HPSE: variants seen among roughly 807,000 people sequenced by gnomAD.
The protein encoded by HPSE is endo-glucoronidase.
A neutral mutation model predicts 65.1 loss-of-function variants in HPSE; 48 were observed. The ratio of observed to expected loss-of-function variants is 0.74; its 90% CI spans 0.58 to 0.94. The LOEUF is 0.94. Ranked by LOEUF, HPSE falls within the 40% of genes least tolerant of loss-of-function variation. The pLI is 0.00. For synonymous variants in HPSE, 243 were observed against 260.0 expected, an observed-to-expected ratio of 0.93 and a Z score of 0.63; for missense variants, 644 against 637.5, an observed-to-expected ratio of 1.01 and a Z score of -0.11.
At chr4:83,307,689 G>C (rs1736194454) in intron 8 of HPSE, among the ~76,000 whole-genome samples, 1 of 152,008 alleles carries the variant, frequency 6.6e-6, no homozygotes. Context: ...CCTTCTCCCC[G>C]ACACCCCAGA....
intron 1 of HPSE, among the ~76,000 whole-genome samples, chr4:83,332,962 C>T (rs1737449979): frequency 6.6e-6 from 1 of 151,932 alleles, no homozygotes; most frequent in Admixed American, 6.6e-5. Flanking sequence ...GACTGGGGTC[C>T]TGTGATCTGG....
At chr4:83,331,272 T>C (rs548015837) in intron 1 of HPSE, among the ~76,000 whole-genome samples, 93 of 152,256 alleles carry the variant, frequency 6.1e-4, no homozygotes, top group African/African-American at 2.2e-3. Context: ...GATTATAGAA[T>C]AGACTTGGTT....
rs1176168192 is a variant in HPSE at position 83,295,369 on chromosome 4, T to C, written c.1607A>G (p.Asn536Ser). 6.2e-7 allele frequency: 1 copy of C among 1,609,316 alleles called. No individual in the cohort carries two copies. The highest frequency in any genetic ancestry group is 1.7e-5 in the Admixed American group (1 of 59,198). The part of the protein sequence containing the change: ...AFSYSFFVIR[N>S]AKVAACI ...TCAGATGCAAGCAGCAACTTTGGCA[T>C]TTCTTATCACAAAAAAACTATATGA... Residue 536 changes from asparagine (N) to serine (S), a missense_variant, in exon 12 of 12, where the codon AAT becomes AGT. By Grantham distance (46) the Asn-to-Ser change is conservative. Transcript: ENST00000311412.
At chr4:83,310,248 T>C (rs903237084) in intron 5 of HPSE, among the ~76,000 whole-genome samples, 170 bp from the exon 6 acceptor site, 2 of 152,208 alleles carry the variant, frequency 1.3e-5, no homozygotes, top group African/African-American at 4.8e-5. Context: ...TTGCCTCAGA[T>C]CCCTTGATAT....
In HPSE at chr4:83,308,829, G is replaced by A; in HGVS notation, c.1091+16C>T. On this transcript the variant is annotated intron_variant, in intron 8 of 11. Coordinates refer to ENST00000311412, the MANE Select transcript of HPSE (RefSeq NM_001098540.3). ...AGCTGCACTCTGACCCCTAAGGCCA[G>A]CGCTGCTTCACTCACATAAAGCCAG... The A allele has an allele frequency of 3.1e-6, 5 of 1,590,524 alleles. No individual in the cohort carries two copies. Among genetic ancestry groups the A allele is most frequent in the Non-Finnish European group, 4.3e-6 (5 of 1,159,310 alleles).
chr4:83,300,813 T>TAAAAAAAA, intron 11 of HPSE, 147 bp downstream of exon 11: 1 of 3,390 alleles, frequency 2.9e-4, no homozygotes, highest in Non-Finnish European at 8.4e-4. Flanking sequence ...AGACTCCGTC[T>TAAAAAAAA]CAAAAAAAAA....
intron 1 of HPSE, among the ~76,000 whole-genome samples, chr4:83,330,087 A>G (rs1274884516): frequency 1.3e-5 from 2 of 152,240 alleles, no homozygotes; most frequent in African/African-American, 4.8e-5. Flanking sequence ...AGGAACCTGA[A>G]CAAAAGGAGG....
At chr4:83,313,078 T>C (rs765426301) in intron 4 of HPSE, 36 bp downstream of exon 4, 1 of 1,264,594 alleles carries the variant, frequency 7.9e-7, no homozygotes, top group East Asian at 2.4e-5. Context: ...TAGTGGGGGA[T>C]CTCCTTATTA....
In HPSE at chr4:83,326,601, AG is replaced by A. The variant is rs1737166436; in HGVS notation, c.228-4238del. Among the ~76,000 whole-genome samples, 1 of 152,208 alleles carries A rather than the reference AG, an allele frequency of 6.6e-6. No homozygotes were observed. Among genetic ancestry groups the A allele is most frequent in the African/African-American group, 2.4e-5 (1 of 41,444 alleles). On this transcript the variant is annotated intron_variant, in intron 1 of 11. Coordinates refer to ENST00000311412, the MANE Select transcript of HPSE (RefSeq NM_001098540.3). The surrounding 1 kb of genome is among the most constrained non-coding windows in gnomAD (Gnocchi z 4.2). ...TGTCTGGAACTCAGGAGACACATAC[AG>A]GCCGGGAATATAGACAGGCGAGTCC... is the stretch of plus-strand genomic sequence containing the variant.
At chr4:83,328,806 T>C (rs1737249608) in intron 1 of HPSE, among the ~76,000 whole-genome samples, 1 of 150,638 alleles carries the variant, frequency 6.6e-6, no homozygotes, top group South Asian at 2.1e-4. Context: ...ATGGGAGGAG[T>C]TGAAGATACA....
chr4:83,326,536 C>CA lies in HPSE; in HGVS notation c.228-4173dup, dbSNP rs1468306224. Among the ~76,000 whole-genome samples the CA allele has an allele frequency of 6.6e-6, 1 of 152,094 alleles. No individual in the cohort carries two copies. Among genetic ancestry groups the CA allele is most frequent in the Non-Finnish European group, 1.5e-5 (1 of 68,006 alleles). On this transcript the variant is annotated intron_variant, in intron 1 of 11. Coordinates refer to ENST00000311412, the MANE Select transcript of HPSE (RefSeq NM_001098540.3). This position sits in a 1 kb window ranked among gnomAD's most constrained non-coding sequence, Gnocchi z 4.2. ...AGAATTTGAGATACCAATGGAACAC[C>CA]AAAAAACATACTTCCATCCATCAGG...
At chr4:83,332,203 C>A (rs376650230) in intron 1 of HPSE, among the ~76,000 whole-genome samples, 26 of 152,358 alleles carry the variant, frequency 1.7e-4, no homozygotes, top group East Asian at 1.4e-3. Flanking sequence ...AAACAACAGG[C>A]GTCTTACTCT....
rs1736333699 is a variant in HPSE at position 83,310,723 on chromosome 4, T to G, written c.841A>C (p.Ser281Arg). Residue 281 changes from serine (S) to arginine (R), a missense_variant and splice_region_variant, in exon 5 of 12, where the codon AGC becomes CGC. By Grantham distance (110) the Ser-to-Arg change is moderately radical. Transcript: ENST00000311412. ...PRRKTAKMLKSFLKAGGEVID... is the reference protein window; with the variant it reads ...PRRKTAKMLKRFLKAGGEVID... ...GATTCTGCATCCTCTAGTTCCTACC[T>G]CTTCAGCATCTTAGCCGTCTTTCTT... 1.2e-6 allele frequency: 2 copies of G among 1,609,298 alleles called. No individual in the cohort carries two copies. The highest frequency in any genetic ancestry group is 2.2e-5 in the South Asian group (2 of 90,500).
intron 1 of HPSE, among the ~76,000 whole-genome samples, chr4:83,324,697 A>C (rs1737070976): frequency 6.6e-6 from 1 of 152,232 alleles, no homozygotes; most frequent in Admixed American, 6.5e-5. Flanking sequence ...TGCTAATCTG[A>C]ACTAAGTAAG....
rs1736494738 is a variant in HPSE, at chr4:83,313,299, AC to A, written c.500-13del. ...ATCTACAGAGCTTCCTAAAAGAAAA[AC>A]GTCACAATTTAATGGTTAGATTGGC... On this transcript the variant is annotated splice_polypyrimidine_tract_variant and intron_variant, in intron 3 of 11. Coordinates refer to ENST00000311412, the MANE Select transcript of HPSE (RefSeq NM_001098540.3). The A allele has an allele frequency of 2.5e-6, 4 of 1,594,474 alleles. No individual in the cohort carries two copies. In the South Asian group the frequency reaches 4.5e-5, roughly 18 times the overall value.
chr4:83,333,912 T>G (rs1018580125), intron 1 of HPSE, among the ~76,000 whole-genome samples: 1 of 151,680 alleles, frequency 6.6e-6, no homozygotes, highest in Non-Finnish European at 1.5e-5. Context: ...TAACACAGTC[T>G]TAAATACAGA....
In HPSE at chr4:83,306,198, C is replaced by T. The variant is rs980965077; in HGVS notation, c.1206+5G>A. 17 of 1,551,756 alleles carry T rather than the reference C, an allele frequency of 1.1e-5. No homozygotes were observed. Among genetic ancestry groups the T allele is most frequent in the Admixed American group, 6.7e-5 (4 of 59,910 alleles). ...ACTAGAATTAGGAAAATAATGGTCA[C>T]TTACAGGTAAAGGATCGAAGTTTTC... On this transcript the variant is annotated splice_donor_5th_base_variant and intron_variant, in intron 9 of 11. Coordinates refer to ENST00000311412, the MANE Select transcript of HPSE (RefSeq NM_001098540.3).
At chr4:83,305,214 T>C (rs1271507461) in intron 9 of HPSE, among the ~76,000 whole-genome samples, 2 of 152,142 alleles carry the variant, frequency 1.3e-5, no homozygotes, top group African/African-American at 4.8e-5. Flanking sequence ...CTGGGAAAAT[T>C]TGGATGAGAT....
At chr4:83,325,130 GGTGTGTGTGTGTGTGTGTGTGTGTGT>G (rs70949703) in intron 1 of HPSE, among the ~76,000 whole-genome samples, 4,452 of 134,268 alleles carry the variant, frequency 0.033, 249 homozygotes, top group African/African-American at 0.11. Context: ...TATACAACTT[GGTGTGTGTGTGTGTGTGTGTGTGTGT>G]GTGTGTGTGT....
Sources: gnomAD v4.1 joint callset for allele counts (sites outside exome capture counted in the v4.1 genomes callset) on GRCh38, gnomAD v4.1.1 for gene constraint, Gnocchi (gnomAD v3.1) non-coding constraint, MANE v1.5 for transcripts, NCBI Gene and HGNC (gene_info 2026-07-23, HGNC 2026-07-21) for gene names.